Variants in C4orf50 observed in about 807,000 individuals in gnomAD.
The protein encoded by C4orf50 is chromosome 4 open reading frame 50.
Under a neutral mutation model 77.2 loss-of-function variants are expected in C4orf50, and 80 were observed. That is an observed-to-expected ratio of 1.04 (90% confidence interval 0.87 to 1.25). The LOEUF (loss-of-function observed/expected upper bound fraction) is 1.25, where lower values mean the gene tolerates loss of function less well. Among genes scored for constraint, C4orf50 ranks in the 50% most tolerant of loss-of-function variants. The pLI is 0.00. For synonymous variants in C4orf50, 532 were observed against 465.3 expected (o/e 1.14, Z -1.84); for missense variants, 1,257 against 1,152.9 (o/e 1.09, Z -1.31).
chr4:6,004,175 G>T (rs868132272), intron 25 of C4orf50, among the ~76,000 whole-genome samples: 37 of 129,924 alleles, frequency 2.8e-4, no homozygotes, highest in African/African-American at 9.9e-4. Context: ...TGATGATGGT[G>T]ATGATGGTGA....
intron 7 of C4orf50, among the ~76,000 whole-genome samples, chr4:5,945,771 C>G (rs1410106752): frequency 2.0e-5 from 3 of 152,156 alleles, no homozygotes; most frequent in African/African-American, 7.2e-5. Flanking sequence ...GCAGGCTGGG[C>G]CCTGGGCTGG....
At chr4:5,987,019 G>C (rs1035504341) in intron 28 of C4orf50, among the ~76,000 whole-genome samples, 3 of 152,144 alleles carry the variant, frequency 2.0e-5, no homozygotes, top group African/African-American at 4.8e-5. Flanking sequence ...TAATTGCATA[G>C]ATTGCAAAAG....
intron 28 of C4orf50, among the ~76,000 whole-genome samples, chr4:5,984,442 G>A (rs192508203): frequency 4.7e-4 from 71 of 152,246 alleles, no homozygotes; most frequent in African/African-American, 1.7e-3. Context: ...AAATAATTAT[G>A]ATCTATGTAT....
intron 7 of C4orf50, among the ~76,000 whole-genome samples, chr4:5,928,829 T>C (rs1210073735): frequency 6.6e-6 from 1 of 152,226 alleles, no homozygotes; most frequent in African/African-American, 2.4e-5. Flanking sequence ...TTAGAGATAT[T>C]TGGTGAAAGA....
In C4orf50 at chr4:6,018,105, T is replaced by A. The variant is rs1197951377; in HGVS notation, c.287+40A>T. 2.5e-6 allele frequency: 1 copy of A among 398,158 alleles called. No homozygotes were observed. The highest frequency in any genetic ancestry group is 4.4e-6 in the Non-Finnish European group (1 of 226,064). The allele number at this position is 398,158 out of a possible 1,614,324, so 24.7% of individuals were successfully genotyped here. A position where few individuals can be genotyped will look rare whatever the true frequency, so the allele number is the denominator to read the frequency against. On this transcript the variant is annotated intron_variant, in intron 23 of 33. Transcript: ENST00000531445. This position sits in a 1 kb window ranked among gnomAD's most constrained non-coding sequence, Gnocchi z 5.1. Reference sequence around the variant, plus strand: ...TGACACACTCTGATGGCCCCGCGGTTTGTGAAATACACACAGAGAGATCAA... The same window carrying A: ...TGACACACTCTGATGGCCCCGCGGTATGTGAAATACACACAGAGAGATCAA...
chr4:6,006,003 A>G (rs76674761), intron 25 of C4orf50, among the ~76,000 whole-genome samples: 2,546 of 152,306 alleles, frequency 0.017, 66 homozygotes, highest in African/African-American at 0.058. Flanking sequence ...TTAAATGACA[A>G]TTTCCATCTG....
At chr4:5,979,779 T>A (rs1431496841) in intron 29 of C4orf50, among the ~76,000 whole-genome samples, 1 of 152,210 alleles carries the variant, frequency 6.6e-6, no homozygotes, top group Non-Finnish European at 1.5e-5. Flanking sequence ...CTTTTTCAGA[T>A]CTCTCCAGTT....
chr4:5,949,655 T>C (rs551927936), intron 7 of C4orf50, among the ~76,000 whole-genome samples: 10 of 152,280 alleles, frequency 6.6e-5, no homozygotes, highest in Admixed American at 5.9e-4. Flanking sequence ...AATAAATGTA[T>C]TTAAAGGTTA....
At chr4:5,939,274 G>T (rs1431945134) in intron 7 of C4orf50, among the ~76,000 whole-genome samples, 5 of 152,022 alleles carry the variant, frequency 3.3e-5, no homozygotes, top group African/African-American at 1.2e-4. Flanking sequence ...AGAAAGAAAT[G>T]GAATATACCA....
In C4orf50 at chr4:5,916,743, T is replaced by G. The variant is rs147594768; in HGVS notation, c.*2475-18555A>C. ...GTACTGAGGTCACTCCTGCAGGAAA[T>G]AGGGTCACGGCCCCGAGAGCACTTC... On this transcript the variant is annotated intron_variant, in intron 7 of 7. Coordinates refer to the C4orf50 transcript ENST00000324058. This position sits in a 1 kb window ranked among gnomAD's most constrained non-coding sequence, Gnocchi z 4.4. Among the ~76,000 whole-genome samples, 19 of 151,944 alleles carry G rather than the reference T, an allele frequency of 1.3e-4. No individual in the cohort carries two copies. Among genetic ancestry groups the G allele is most frequent in the African/African-American group, 4.3e-4 (18 of 41,436 alleles).
At position 5,984,817 on chromosome 4, in the gene C4orf50, CAG is replaced by C. The variant is rs1720773829; in HGVS notation, c.3699+3528_3699+3529del. Among the ~76,000 whole-genome samples, 5 of 148,866 alleles carry C rather than the reference CAG, an allele frequency of 3.4e-5. No individual in the cohort carries two copies. In the South Asian group the frequency reaches 1.1e-3, roughly 32 times the overall value. ...ATGATCAAGAATTTTCTAAGTCTGA[CAG>C]AAAAGACAAAAATACACAAGTTCAA... On this transcript the variant is annotated intron_variant, in intron 28 of 33. Coordinates refer to ENST00000531445, the Ensembl canonical transcript of C4orf50.
chr4:5,911,546 A>G (rs1179302319), intron 7 of C4orf50, among the ~76,000 whole-genome samples: 1 of 152,220 alleles, frequency 6.6e-6, no homozygotes, highest in Non-Finnish European at 1.5e-5. Context: ...CTACAGGTCC[A>G]TCAGAATGAC....
In C4orf50 at chr4:5,909,321, C is replaced by T. The variant is rs186745035; in HGVS notation, c.*2475-11133G>A. 2.2e-4 allele frequency among the ~76,000 whole-genome samples: 33 copies of T among 152,212 alleles called. No individual in the cohort carries two copies. In the East Asian group the frequency reaches 4.8e-3, roughly 22 times the overall value. On this transcript the variant is annotated intron_variant, in intron 7 of 7. Transcript: ENST00000324058. Reference sequence around the variant, plus strand: ...GGAAATAAATCATCTAGCTGTTGACCGCAACCAGATATTTTGCCCATTTTA... The same window carrying T: ...GGAAATAAATCATCTAGCTGTTGACTGCAACCAGATATTTTGCCCATTTTA...
intron 29 of C4orf50, among the ~76,000 whole-genome samples, chr4:5,976,161 C>T (rs920639770): frequency 1.3e-5 from 2 of 152,034 alleles, no homozygotes; most frequent in East Asian, 1.9e-4. Flanking sequence ...CAAGAATCAG[C>T]TTGGCCGGGC....
intron 7 of C4orf50, among the ~76,000 whole-genome samples, chr4:5,907,317 G>T (rs796170498): frequency 6.6e-6 from 1 of 151,968 alleles, no homozygotes. Context: ...AATCCATGTG[G>T]GACACTAAAA....
intron 7 of C4orf50, among the ~76,000 whole-genome samples, chr4:5,911,817 G>A (rs910194072): frequency 2.0e-5 from 3 of 152,216 alleles, no homozygotes; most frequent in African/African-American, 7.2e-5. Context: ...AGAGGCCCAG[G>A]CGGGCCGATC....
intron 7 of C4orf50, among the ~76,000 whole-genome samples, chr4:5,939,920 AG>A (rs1378122374): frequency 1.3e-5 from 2 of 152,234 alleles, no homozygotes; most frequent in Non-Finnish European, 2.9e-5. Context: ...GACAACATGC[AG>A]AAAGGGTTTT....
intron 7 of C4orf50, among the ~76,000 whole-genome samples, chr4:5,948,661 G>A (rs1461457143): frequency 2.6e-5 from 4 of 152,178 alleles, no homozygotes; most frequent in Non-Finnish European, 5.9e-5. Flanking sequence ...CGGGTGTGGT[G>A]CCATGCACCT....
rs1203139662 is a variant in C4orf50, at chr4:6,000,441, C to T, written c.964-5965G>A. 6.6e-6 allele frequency among the ~76,000 whole-genome samples: 1 copy of T among 152,178 alleles called. No individual in the cohort carries two copies. The highest frequency in any genetic ancestry group is 1.5e-5 in the Non-Finnish European group (1 of 68,042). ...AGTGGCCCTCTCAGGAGGAATTCTT[C>T]CTTTCCAGGCAGCCCTTTTTGACCT... On this transcript the variant is annotated intron_variant, in intron 25 of 33. Coordinates refer to ENST00000531445, the Ensembl canonical transcript of C4orf50. This position sits in a 1 kb window ranked among gnomAD's most constrained non-coding sequence, Gnocchi z 6.0.
Sources: gnomAD v4.1 joint callset for allele counts (sites outside exome capture counted in the v4.1 genomes callset) on GRCh38, gnomAD v4.1.1 for gene constraint, Gnocchi (gnomAD v3.1) non-coding constraint, MANE v1.5 for transcripts, NCBI Gene and HGNC (gene_info 2026-07-23, HGNC 2026-07-21) for gene names.